NDUFA10: variants seen among roughly 807,000 people sequenced by gnomAD.
The protein encoded by NDUFA10 is NADH:ubiquinone oxidoreductase subunit A10.
NDUFA10 carries 40 observed loss-of-function variants against 47.8 expected under a neutral mutation model. The observed-to-expected ratio is 0.84, with a 90% CI of 0.65 to 1.09. NDUFA10 has a LOEUF of 1.09. NDUFA10 is among the 50% of genes least tolerant of loss of function. The pLI, the probability that NDUFA10 is intolerant of heterozygous loss-of-function variation, is 0.00. For missense variants in NDUFA10, 413 were observed against 451.1 expected, an observed-to-expected ratio of 0.92 and a Z score of 0.76; for synonymous variants, 183 against 172.2, an observed-to-expected ratio of 1.06 and a Z score of -0.49.
chr2:239,937,883 A>C (rs1559296775), intron 4 of NDUFA10, among the ~76,000 whole-genome samples: 1 of 152,112 alleles, frequency 6.6e-6, no homozygotes, highest in South Asian at 2.1e-4. Context: ...TAATTGTAAC[A>C]AATTATTTGT....
In NDUFA10 at chr2:239,960,576, T is replaced by C; in HGVS notation, c.*542A>G. 1 of 1,009,410 alleles carries C rather than the reference T, an allele frequency of 9.9e-7. No individual in the cohort carries two copies. The highest frequency in any genetic ancestry group is 1.7e-5 in the African/African-American group (1 of 58,574). The allele number at this position is 1,009,410 out of a possible 1,614,324, so 62.5% of individuals were successfully genotyped here. A position where few individuals can be genotyped will look rare whatever the true frequency, so the allele number is the denominator to read the frequency against. ...CACGTTCTTATTTTTTCTACTCTAA[T>C]GTAGCACATTACTAAAATAAATACA... On this transcript the variant is annotated 3_prime_UTR_variant, in exon 10 of 10. Transcript: ENST00000252711.
At chr2:240,024,920 G>A (rs958380417) in intron 1 of NDUFA10, among the ~76,000 whole-genome samples, 1 of 152,226 alleles carries the variant, frequency 6.6e-6, no homozygotes, top group African/African-American at 2.4e-5. Context: ...ACAAGCGCGT[G>A]TGCCCCCGGC....
At chr2:239,994,411 T>A (rs1358728369) in intron 8 of NDUFA10, among the ~76,000 whole-genome samples, 1 of 151,778 alleles carries the variant, frequency 6.6e-6, no homozygotes, top group Non-Finnish European at 1.5e-5. Context: ...GTTTGCACAC[T>A]CCTTATGAGA....
At position 239,997,195 on chromosome 2, in the gene NDUFA10, A is replaced by G. The variant is rs538399353; in HGVS notation, c.891-7013T>C. ...AAGATCTAAAGTCAATAAGCTTAGG[A>G]ATCTATAGAAAAAGAACAAGTGAAG... On this transcript the variant is annotated intron_variant, in intron 8 of 9. Coordinates refer to ENST00000252711, the MANE Select transcript of NDUFA10 (RefSeq NM_004544.4). Among the ~76,000 whole-genome samples, 3 of 152,256 alleles carry G rather than the reference A, an allele frequency of 2.0e-5. No homozygotes were observed. In the South Asian group the frequency reaches 6.2e-4, roughly 32 times the overall value.
At chr2:239,950,318 C>T (rs748445644) in intron 4 of NDUFA10, among the ~76,000 whole-genome samples, 5 of 152,134 alleles carry the variant, frequency 3.3e-5, no homozygotes, top group East Asian at 3.9e-4. Flanking sequence ...AGTCCTTGAG[C>T]GGGCAAGAGG....
At chr2:240,014,245 G>A (rs1341387063) in intron 5 of NDUFA10, 2 of 200,000 alleles carry the variant, frequency 1.0e-5, no homozygotes, top group Non-Finnish European at 2.1e-5. Context: ...ACTACAAAGA[G>A]TAAATGGATG....
intron 4 of NDUFA10, among the ~76,000 whole-genome samples, chr2:239,908,527 C>G (rs1348874162): frequency 6.6e-6 from 1 of 152,226 alleles, no homozygotes. Context: ...AGGCAGCTCC[C>G]TTCCTGTCCC....
chr2:239,938,810 C>T (rs941377857), intron 4 of NDUFA10, among the ~76,000 whole-genome samples: 6 of 152,206 alleles, frequency 3.9e-5, no homozygotes, highest in African/African-American at 7.2e-5. Context: ...ACAGAGAAGA[C>T]GGCGCAGCGA....
intron 4 of NDUFA10, among the ~76,000 whole-genome samples, chr2:239,935,048 T>TGA (rs1307034283): frequency 6.6e-6 from 1 of 152,202 alleles, no homozygotes; most frequent in Admixed American, 6.5e-5. Flanking sequence ...GGATGCTGCC[T>TGA]GCTCTTCCTG....
chr2:240,020,749 C>T (rs572025402), intron 3 of NDUFA10, among the ~76,000 whole-genome samples: 1 of 152,150 alleles, frequency 6.6e-6, no homozygotes, highest in African/African-American at 2.4e-5. Flanking sequence ...ACGTCTGCCT[C>T]GTGGCTTTAT....
rs1553573220 is a variant in NDUFA10 at position 240,014,773 on chromosome 2, G to A, written c.635C>T (p.Pro212Leu). The A allele has an allele frequency of 2.5e-6, 4 of 1,614,168 alleles. No individual in the cohort carries two copies. Among genetic ancestry groups the A allele is most frequent in the Non-Finnish European group, 3.4e-6 (4 of 1,180,030 alleles). ...CTTCTGAATCCGCCTCTGGACCTCT[G>A]GAACGGGCACATCGATGTAAATCAC... is the stretch of plus-strand genomic sequence containing the variant. ...HLVIYIDVPV[P>L]EVQRRIQKKG... is the part of the protein sequence containing the mutation. Residue 212 changes from proline (P) to leucine (L), a missense_variant, in exon 5 of 10, where the codon CCA becomes CTA. Coordinates refer to ENST00000252711, the MANE Select transcript of NDUFA10 (RefSeq NM_004544.4).
chr2:239,989,366 T>A (rs952169000), intron 9 of NDUFA10, among the ~76,000 whole-genome samples: 2 of 152,268 alleles, frequency 1.3e-5, no homozygotes, highest in African/African-American at 4.8e-5. Context: ...TCAACTCATC[T>A]ACATGTTGAA....
At chr2:239,933,360 C>T (rs538850515) in intron 4 of NDUFA10, among the ~76,000 whole-genome samples, 4 of 152,288 alleles carry the variant, frequency 2.6e-5, no homozygotes, top group African/African-American at 9.6e-5. Flanking sequence ...CTCCTGGGGA[C>T]ATCCCAGGCC....
chr2:239,938,482 C>G (rs769548220), intron 4 of NDUFA10, among the ~76,000 whole-genome samples: 3 of 152,212 alleles, frequency 2.0e-5, no homozygotes, highest in Non-Finnish European at 4.4e-5. Flanking sequence ...GCTGTATGAT[C>G]AATGGAGAAG....
chr2:239,975,485 G>C (rs1453917197), intron 9 of NDUFA10, among the ~76,000 whole-genome samples: 2 of 152,224 alleles, frequency 1.3e-5, no homozygotes, highest in Non-Finnish European at 1.5e-5. Flanking sequence ...TTGCCCAAAT[G>C]TGAGTCCTGC....
At chr2:239,968,626 G>C (rs1415374724) in intron 9 of NDUFA10, among the ~76,000 whole-genome samples, 2 of 152,194 alleles carry the variant, frequency 1.3e-5, no homozygotes, top group Non-Finnish European at 2.9e-5. Context: ...TTACGGAGTA[G>C]AGCACTAAAG....
At chr2:239,933,838 G>A (rs907058241) in intron 4 of NDUFA10, among the ~76,000 whole-genome samples, 1 of 151,506 alleles carries the variant, frequency 6.6e-6, no homozygotes, top group Admixed American at 6.6e-5. Context: ...TTGGATCATA[G>A]ATTTGAATGA....
intron 9 of NDUFA10, chr2:239,976,733 G>T (rs1695539875): frequency 6.6e-6 from 1 of 152,228 alleles, no homozygotes; most frequent in Admixed American, 6.5e-5. Flanking sequence ...GAGTGACAAG[G>T]AGGAGCCACA....
chr2:239,898,056 G>A lies in NDUFA10; in HGVS notation c.295-2742C>T, dbSNP rs371640540. On this transcript the variant is annotated intron_variant, in intron 4 of 5. Coordinates refer to the NDUFA10 transcript ENST00000419408. ...TATAGAGCCAGGCTGCCTGCTCTGT[G>A]AGAAAACGGAACTGCAGGAACCAAC... Among the ~76,000 whole-genome samples, 267 of 152,286 alleles carry A rather than the reference G, an allele frequency of 1.8e-3. 3 individuals carry two copies. The highest frequency in any genetic ancestry group is 6.3e-3 in the African/African-American group (260 of 41,570).
Sources: gnomAD v4.1 joint callset for allele counts (sites outside exome capture counted in the v4.1 genomes callset) on GRCh38, gnomAD v4.1.1 for gene constraint, MANE v1.5 for transcripts, NCBI Gene and HGNC (gene_info 2026-07-23, HGNC 2026-07-21) for gene names.